The following SYNPO variants were observed in gnomAD, a reference collection of about 807,000 sequenced individuals.
SYNPO encodes synaptopodin.
SYNPO carries 19 observed loss-of-function variants against 49.5 expected under a neutral mutation model. The ratio of observed to expected loss-of-function variants is 0.38; its 90% confidence interval spans 0.27 to 0.56. The LOEUF is 0.56. Ranked by LOEUF, SYNPO falls within the 20% of genes least tolerant of loss-of-function variation. The probability of loss-of-function intolerance (pLI) is 0.68; values close to 1 mark genes in which losing one functional copy is unlikely to be tolerated. For synonymous variants in SYNPO, 536 were observed against 548.0 expected (o/e 0.98, Z 0.31); for missense variants, 1,131 against 1,248.3 (o/e 0.91, Z 1.42).
intron 1 of SYNPO, among the ~76,000 whole-genome samples, chr5:150,609,772 C>A (rs533081580): frequency 9.0e-4 from 102 of 113,458 alleles, no homozygotes; most frequent in Admixed American, 6.6e-3. Context: ...GGTGAGGGGG[C>A]ACTGTGAATG....
chr5:150,595,164 C>G, the SYNPO span, among the ~76,000 whole-genome samples: 29 of 152,132 alleles, frequency 1.9e-4, no homozygotes, highest in Non-Finnish European at 4.1e-4. Context: ...GTAGCTTTAC[C>G]TGGGGATTAA....
intron 2 of SYNPO, among the ~76,000 whole-genome samples, chr5:150,619,475 G>A (rs1484189655): frequency 6.6e-6 from 1 of 152,190 alleles, no homozygotes; most frequent in Non-Finnish European, 1.5e-5. Context: ...AGTGTGCGCG[G>A]CACGGAAGGA....
the SYNPO span, among the ~76,000 whole-genome samples, chr5:150,591,034 TGGGGAA>T: frequency 6.7e-6 from 1 of 149,644 alleles, no homozygotes; most frequent in Non-Finnish European, 1.5e-5. Context: ...TTAGAGGGGG[TGGGGAA>T]CAGATGAGGC....
chr5:150,633,036 G>C (rs1490792734), intron 2 of SYNPO, among the ~76,000 whole-genome samples: 2 of 152,190 alleles, frequency 1.3e-5, no homozygotes, highest in African/African-American at 4.8e-5. Context: ...ACCATGGTCA[G>C]TTAGGACTAG....
chr5:150,656,073 G>T (rs1758540023), intron 2 of SYNPO, among the ~76,000 whole-genome samples: 1 of 152,192 alleles, frequency 6.6e-6, no homozygotes, highest in African/African-American at 2.4e-5. Flanking sequence ...ACCCTATAAG[G>T]TTAAGTACTG....
chr5:150,635,611 T>G (rs1352068231), intron 2 of SYNPO, among the ~76,000 whole-genome samples: 1 of 152,170 alleles, frequency 6.6e-6, no homozygotes, highest in Non-Finnish European at 1.5e-5. Flanking sequence ...TGGGATTACA[T>G]GCATGCGCTA....
rs1301696051 is a variant in SYNPO at position 150,647,970 on chromosome 5, GAGA to G, written c.-303_-301del. 5 of 1,551,754 alleles carry G rather than the reference GAGA, an allele frequency of 3.2e-6. No homozygotes were observed. The highest frequency in any genetic ancestry group is 3.9e-5 in the Admixed American group (2 of 50,992). On this transcript the variant is annotated 5_prime_UTR_variant, in exon 2 of 3. Coordinates refer to ENST00000307662, the MANE Select transcript of SYNPO (RefSeq NM_007286.6). ...GTTGGGCCGGAGCACTAGCCTCACG[GAGA>G]AGGATCTGAAAGAAGCCAAGGCGCG...
At chr5:150,588,996 T>C in the SYNPO span, among the ~76,000 whole-genome samples, 2 of 152,212 alleles carry the variant, frequency 1.3e-5, no homozygotes, top group East Asian at 1.9e-4. Flanking sequence ...ATGCATTCCA[T>C]TGCTTCCTTT....
rs1194638804 is a variant in SYNPO at position 150,650,073 on chromosome 5, C to T, written c.1798C>T (p.Pro600Ser). The T allele has an allele frequency of 1.2e-6, 2 of 1,613,382 alleles. No homozygotes were observed. Among genetic ancestry groups the T allele is most frequent in the Non-Finnish European group, 1.7e-6 (2 of 1,179,988 alleles). The change falls in exon 2 of 3, where the codon CCC (proline) becomes TCC (serine). Residue 600 changes from proline (P) to serine (S), a missense_variant. Physicochemically the swap from Pro to Ser is moderately conservative, Grantham distance 74. Transcript: ENST00000307662. Reference sequence around the variant, plus strand: ...CAAGCCCAGCTCCTTGGACCTGGTGCCCAACCTGCCCAAGGGGGCTCTCCC... The same window carrying T: ...CAAGCCCAGCTCCTTGGACCTGGTGTCCAACCTGCCCAAGGGGGCTCTCCC... ...PAKPSSLDLV[P>S]NLPKGALPPS...
intron 1 of SYNPO, among the ~76,000 whole-genome samples, chr5:150,606,485 C>T (rs1474163794): frequency 6.6e-6 from 1 of 152,246 alleles, no homozygotes; most frequent in African/African-American, 2.4e-5. Flanking sequence ...CCACACAGTT[C>T]GTTTTTGGCT....
At chr5:150,652,314 G>A in intron 2 of SYNPO, 1 of 993,976 alleles carries the variant, frequency 1.0e-6, no homozygotes, top group South Asian at 4.7e-5. Context: ...TTTCTCTCAT[G>A]TTCTCAATAC....
At chr5:150,624,250 T>C (rs544203850) in intron 2 of SYNPO, among the ~76,000 whole-genome samples, 1 of 152,242 alleles carries the variant, frequency 6.6e-6, no homozygotes, top group South Asian at 2.1e-4. Context: ...TTCTAGTTAC[T>C]GGGGCTGAGA....
chr5:150,641,062 T>G (rs1757886751), intron 1 of SYNPO, among the ~76,000 whole-genome samples: 1 of 152,216 alleles, frequency 6.6e-6, no homozygotes, highest in African/African-American at 2.4e-5. Context: ...CCGGCAGTCC[T>G]TCCCACCAAA....
intron 1 of SYNPO, 113 bp from the exon 2 acceptor site, chr5:150,647,831 A>C: frequency 7.4e-6 from 7 of 951,202 alleles, no homozygotes; most frequent in Non-Finnish European, 1.1e-5. Flanking sequence ...AAATTCCAGA[A>C]GAGATCCTGT....
At chr5:150,618,454 C>G in exon 2 of SYNPO, 1 of 1,551,676 alleles carries the variant, frequency 6.4e-7, no homozygotes, top group Non-Finnish European at 8.7e-7. Context: ...CTGATGGAAG[C>G]TACAGGTGTC....
At chr5:150,617,883 A>T (rs901586042) in intron 1 of SYNPO, among the ~76,000 whole-genome samples, 3 of 152,208 alleles carry the variant, frequency 2.0e-5, no homozygotes, top group Non-Finnish European at 4.4e-5. Flanking sequence ...TTAATGGAAA[A>T]ATATTAGATA....
At chr5:150,594,614 G>C in the SYNPO span, among the ~76,000 whole-genome samples, 387 of 152,202 alleles carry the variant, frequency 2.5e-3, 1 homozygote, top group Non-Finnish European at 3.0e-3. Context: ...TTGCACAGAT[G>C]GTCACTAAAA....
At chr5:150,604,791 AG>A (rs1243713319) in intron 1 of SYNPO, among the ~76,000 whole-genome samples, 1 of 152,140 alleles carries the variant, frequency 6.6e-6, no homozygotes, top group Non-Finnish European at 1.5e-5. Flanking sequence ...TGTAGCTCAA[AG>A]GTATCAGGCC....
intron 1 of SYNPO, among the ~76,000 whole-genome samples, chr5:150,609,783 T>TGGC (rs1411943549): frequency 1.6e-4 from 7 of 44,310 alleles, no homozygotes; most frequent in East Asian, 1.8e-3. Flanking sequence ...ACTGTGAATG[T>TGGC]GGCGGGGGGG....
Sources: gnomAD v4.1 joint callset for allele counts (sites outside exome capture counted in the v4.1 genomes callset) on GRCh38, gnomAD v4.1.1 for gene constraint, MANE v1.5 for transcripts, NCBI Gene and HGNC (gene_info 2026-07-23, HGNC 2026-07-21) for gene names.